The following TMEM116 variants were observed in gnomAD, a reference collection of about 807,000 sequenced individuals.
The protein encoded by TMEM116 is transmembrane protein 116.
A neutral mutation model predicts 44.3 loss-of-function variants in TMEM116; 38 were observed. That is an observed-to-expected ratio of 0.86 (90% confidence interval 0.66 to 1.12). The LOEUF is 1.12. Ranked by LOEUF, TMEM116 falls within the 50% of genes most tolerant of loss-of-function variation. The pLI, the probability that TMEM116 is intolerant of heterozygous loss-of-function variation, is 0.00. For missense variants in TMEM116, 354 were observed against 401.7 expected (o/e 0.88, Z 1.01); for synonymous variants, 132 against 144.8 (o/e 0.91, Z 0.64).
At chr12:111,968,101 C>T (rs1368337748) in intron 4 of TMEM116, among the ~76,000 whole-genome samples, 1 of 152,004 alleles carries the variant, frequency 6.6e-6, no homozygotes, top group Non-Finnish European at 1.5e-5. Context: ...CACAGAGAAC[C>T]TCATAGATTT....
intron 4 of TMEM116, among the ~76,000 whole-genome samples, chr12:111,969,320 C>CA (rs540048259): frequency 0.34 from 29,499 of 86,486 alleles, 4,641 homozygotes; most frequent in East Asian, 0.85. Flanking sequence ...CGCTCCATCT[C>CA]AAAAAAAAAA....
At chr12:111,951,186 A>G (rs1049920089) in intron 4 of TMEM116, among the ~76,000 whole-genome samples, 6 of 152,222 alleles carry the variant, frequency 3.9e-5, no homozygotes, top group Admixed American at 6.5e-5. Context: ...GTGAGGTTGT[A>G]GAGAAAAGGA....
intron 4 of TMEM116, among the ~76,000 whole-genome samples, chr12:111,991,385 G>A (rs1419356181): frequency 2.0e-5 from 3 of 148,186 alleles, no homozygotes; most frequent in Middle Eastern, 3.8e-3. Flanking sequence ...TTAGTCGGGC[G>A]CGGTGGTGGG....
intron 1 of TMEM116, among the ~76,000 whole-genome samples, chr12:112,009,786 C>T (rs1363094630): frequency 6.6e-6 from 1 of 150,454 alleles, no homozygotes; most frequent in African/African-American, 2.4e-5. Flanking sequence ...GTGGAGGTTG[C>T]AGTGAGCTGA....
intron 3 of TMEM116, chr12:111,993,530 C>A: frequency 1.8e-6 from 1 of 545,014 alleles, no homozygotes. Context: ...CCTATGGAAG[C>A]TGCTAAGGTT....
intron 4 of TMEM116, among the ~76,000 whole-genome samples, chr12:111,983,450 A>AT: frequency 6.6e-6 from 1 of 151,862 alleles, no homozygotes; most frequent in Admixed American, 6.6e-5. Context: ...TAAAAAAAAA[A>AT]CACAAAAAAA....
At chr12:111,950,881 C>T (rs2073687464) in intron 4 of TMEM116, among the ~76,000 whole-genome samples, 1 of 152,130 alleles carries the variant, frequency 6.6e-6, no homozygotes, top group African/African-American at 2.4e-5. Context: ...AAATTACCAA[C>T]AGAGTAAACA....
At chr12:111,972,271 G>A (rs2075388399) in intron 4 of TMEM116, among the ~76,000 whole-genome samples, 2 of 152,042 alleles carry the variant, frequency 1.3e-5, no homozygotes, top group African/African-American at 2.4e-5. Context: ...TAATAATGGT[G>A]TCACTTAATC....
chr12:112,005,783 C>T, intron 1 of TMEM116: 1 of 923,766 alleles, frequency 1.1e-6, no homozygotes, highest in South Asian at 5.0e-5. Flanking sequence ...ACAGAAGAGA[C>T]AAATACTAGA....
At chr12:111,995,290 G>A (rs1218841130) in intron 3 of TMEM116, among the ~76,000 whole-genome samples, 1 of 151,988 alleles carries the variant, frequency 6.6e-6, no homozygotes, top group Non-Finnish European at 1.5e-5. Flanking sequence ...ATTAAACCCA[G>A]CAATATATAT....
At position 111,991,858 on chromosome 12, in the gene TMEM116, T is replaced by C; in HGVS notation, c.110A>G (p.Asp37Gly). 6.5e-7 allele frequency: 1 copy of C among 1,536,000 alleles called. No homozygotes were observed. The highest frequency in any genetic ancestry group is 8.7e-7 in the Non-Finnish European group (1 of 1,146,568). Residue 37 changes from aspartate to glycine, a missense_variant, in exon 4 of 11, where the codon GAC (aspartate) becomes GGC (glycine). Transcript: ENST00000552374. ...IRPLFYLSFCDLLLGLCWLTE... is the reference protein window; with the variant it reads ...IRPLFYLSFCGLLLGLCWLTE... ...GAGCCAGCAAAGTCCCAGGAGCAGG[T>C]CACAGAAGCTCAGATAAAAAAGTGG...
intron 4 of TMEM116, among the ~76,000 whole-genome samples, chr12:111,987,429 CG>C (rs1812364737): frequency 6.6e-6 from 1 of 150,962 alleles, no homozygotes; most frequent in African/African-American, 2.4e-5. Context: ...CACTAGAACC[CG>C]GGAGGTGGAG....
intron 3 of TMEM116, among the ~76,000 whole-genome samples, chr12:112,002,541 G>A (rs1406314509): frequency 2.0e-5 from 3 of 149,738 alleles, no homozygotes; most frequent in Non-Finnish European, 4.4e-5. Context: ...CTCCAGCCTC[G>A]GCGACACAGT....
chr12:111,970,570 C>A (rs1398829484), intron 4 of TMEM116, among the ~76,000 whole-genome samples: 1 of 150,020 alleles, frequency 6.7e-6, no homozygotes, highest in Non-Finnish European at 1.5e-5. Flanking sequence ...CATTAAGGCA[C>A]TTCATAATCA....
chr12:111,967,774 G>C (rs561755021), intron 4 of TMEM116, among the ~76,000 whole-genome samples: 1 of 152,126 alleles, frequency 6.6e-6, no homozygotes, highest in African/African-American at 2.4e-5. Context: ...TGGAGTGACA[G>C]AACTGTATTT....
chr12:111,956,357 A>G (rs1038632037), intron 4 of TMEM116, among the ~76,000 whole-genome samples: 1 of 152,188 alleles, frequency 6.6e-6, no homozygotes, highest in Non-Finnish European at 1.5e-5. Context: ...AAGATTTAGC[A>G]TCCTAAACCT....
chr12:111,975,772 G>A (rs2075632784), intron 4 of TMEM116, among the ~76,000 whole-genome samples: 1 of 149,200 alleles, frequency 6.7e-6, no homozygotes, highest in African/African-American at 2.5e-5. Flanking sequence ...TAGCCTTCTT[G>A]TCTGATGTAA....
rs543635042 is a variant in TMEM116, at chr12:111,998,308, C to A, written c.78+5492G>T. Among the ~76,000 whole-genome samples the A allele has an allele frequency of 7.5e-4, 114 of 152,332 alleles. 2 individuals are homozygous for A. In the South Asian group the frequency reaches 0.023, roughly 31 times the overall value. ...AAACTGGTCTCAGGGTTACATTGGA[C>A]TATTTTAGTAGCTGGGCTTGTGAAA... On this transcript the variant is annotated intron_variant, in intron 3 of 10. Coordinates refer to ENST00000552374, the MANE Select transcript of TMEM116 (RefSeq NM_001193531.2).
intron 4 of TMEM116, among the ~76,000 whole-genome samples, chr12:111,961,569 A>G (rs2074588702): frequency 6.6e-6 from 1 of 152,242 alleles, no homozygotes; most frequent in African/African-American, 2.4e-5. Context: ...ACCAATGGCA[A>G]ACACCACATG....
Sources: gnomAD v4.1 joint callset for allele counts (sites outside exome capture counted in the v4.1 genomes callset) on GRCh38, gnomAD v4.1.1 for gene constraint, MANE v1.5 for transcripts, NCBI Gene and HGNC (gene_info 2026-07-23, HGNC 2026-07-21) for gene names.